BSN: variants seen among roughly 807,000 people sequenced by gnomAD.
The protein encoded by BSN is bassoon presynaptic cytomatrix protein.
A neutral mutation model predicts 264.8 loss-of-function variants in BSN; 57 were observed. The observed-to-expected ratio is 0.22, with a 90% confidence interval of 0.17 to 0.27. The LOEUF (loss-of-function observed/expected upper bound fraction) is 0.27. BSN is among the 10% of genes least tolerant of loss of function. BSN has a pLI of 1.00. For missense variants in BSN, 4,615 were observed against 5,232.5 expected (o/e 0.88, Z 3.64); for synonymous variants, 2,059 against 2,137.3 (o/e 0.96, Z 1.01).
At position 49,667,994 on chromosome 3, in the gene BSN, C is replaced by T. The variant is rs1025388182; in HGVS notation, c.*509C>T. The T allele has an allele frequency of 6.5e-6, 1 of 152,706 alleles. No individual in the cohort carries two copies. Among genetic ancestry groups the T allele is most frequent in the Non-Finnish European group, 1.5e-5 (1 of 68,090 alleles). 9.5% of individuals were successfully genotyped at this position (152,706 alleles called of 1,614,324 possible). On this transcript the variant is annotated 3_prime_UTR_variant, in exon 12 of 12. Transcript: ENST00000296452. ...GGGCTTTGACTGAGGGCTGGGGGCC[C>T]TGGGCTCCGTTTCCTTCACATTCCA... is the stretch of plus-strand genomic sequence containing the variant.
chr3:49,616,460 T>C (rs188669480), intron 1 of BSN, among the ~76,000 whole-genome samples: 83 of 152,354 alleles, frequency 5.4e-4, no homozygotes, highest in Admixed American at 5.4e-3. Flanking sequence ...TTTGAAGCTG[T>C]GGGGCTCTTC....
At position 49,592,743 on chromosome 3, in the gene BSN, T is replaced by C. The variant is rs1261565426; in HGVS notation, c.225-32232T>C. 2.7e-5 allele frequency among the ~76,000 whole-genome samples: 4 copies of C among 146,878 alleles called. No homozygotes were observed. The East Asian group carries it at 6.0e-4, about 22-fold the overall frequency. ...TCTGGCCCGGGTGACAGAGCGAGAC[T>C]CCATCTCAAAAAAAAAAAAAAGAAA... On this transcript the variant is annotated intron_variant, in intron 1 of 11. Transcript: ENST00000296452.
chr3:49,623,971 C>T (rs188313958), intron 1 of BSN, among the ~76,000 whole-genome samples: 102 of 152,210 alleles, frequency 6.7e-4, no homozygotes, highest in Non-Finnish European at 1.2e-3. Context: ...GTCTGGGAGT[C>T]GGAATTTTAA....
intron 1 of BSN, among the ~76,000 whole-genome samples, chr3:49,591,845 T>C (rs902540826): frequency 2.0e-5 from 3 of 152,140 alleles, no homozygotes; most frequent in Non-Finnish European, 4.4e-5. Flanking sequence ...CACCTTGGCC[T>C]CCCAAAGGGT....
In BSN at chr3:49,627,843, T is replaced by C. The variant is rs139021241; in HGVS notation, c.633+2460T>C. Among the ~76,000 whole-genome samples the C allele has an allele frequency of 9.1e-3, 1,377 of 151,928 alleles. 19 individuals carry two copies. The highest frequency in any genetic ancestry group is 0.032 in the African/African-American group (1,321 of 41,390). ...CTTCCCAGGAGTGGCCCAATCAGAG[T>C]AGAAAAAGGTAGAGGTACTGCCAGT... On this transcript the variant is annotated intron_variant, in intron 2 of 11. Coordinates refer to ENST00000296452, the MANE Select transcript of BSN (RefSeq NM_003458.4).
intron 1 of BSN, among the ~76,000 whole-genome samples, chr3:49,589,865 G>T (rs1352793410): frequency 7.2e-6 from 1 of 138,268 alleles, no homozygotes; most frequent in African/African-American, 2.7e-5. Context: ...TTGAGATGGA[G>T]TCTCACTCTG....
In BSN at chr3:49,660,435, A is replaced by G. The variant is rs1369424915; in HGVS notation, c.8641-51A>G. 6.6e-7 allele frequency: 1 copy of G among 1,512,378 alleles called. No individual in the cohort carries two copies. Among genetic ancestry groups the G allele is most frequent in the Non-Finnish European group, 8.8e-7 (1 of 1,131,538 alleles). The allele number at this position is 1,512,378 out of a possible 1,614,324, so 93.7% of individuals were successfully genotyped here. On this transcript the variant is annotated intron_variant, in intron 5 of 11. Transcript: ENST00000296452. The surrounding 1 kb of genome is among the most constrained non-coding windows in gnomAD (Gnocchi z 7.1). ...GGGTTCTGCCACCCCACACCCCATC[A>G]AGTCACCACACCTTGGGTCTCAGTG...
chr3:49,664,845 C>A lies in BSN; in HGVS notation c.*6C>A. The A allele has an allele frequency of 6.2e-7, 1 of 1,612,176 alleles. No homozygotes were observed. Among genetic ancestry groups the A allele is most frequent in the Non-Finnish European group, 8.5e-7 (1 of 1,179,314 alleles). On this transcript the variant is annotated 3_prime_UTR_variant, in exon 10 of 12. Coordinates refer to ENST00000296452, the MANE Select transcript of BSN (RefSeq NM_003458.4). ...AATTTTCCTCATTCTGGTGACCATGCCCAGCATGGTGAGTACAAGCAGCCT... is the reference window on the plus strand; with the variant it reads ...AATTTTCCTCATTCTGGTGACCATGACCAGCATGGTGAGTACAAGCAGCCT...
In BSN at chr3:49,654,584, C is replaced by T. The variant is rs1433155861; in HGVS notation, c.5028C>T (p.Pro1676=). The T allele has an allele frequency of 3.1e-6, 5 of 1,612,240 alleles. No individual in the cohort carries two copies. The highest frequency in any genetic ancestry group is 3.3e-5 in the Admixed American group (2 of 59,930). ...VDLRTAVKPT[P]IILTDQGMDL... ...TCCGTACAGCTGTCAAGCCCACTCCCATCATCCTCACTGACCAGGGCATGG... is the reference window on the plus strand; with the variant it reads ...TCCGTACAGCTGTCAAGCCCACTCCTATCATCCTCACTGACCAGGGCATGG... The change falls in exon 5 of 12, where the codon CCC becomes CCT. Residue 1676 remains proline, a synonymous_variant. Transcript: ENST00000296452. The surrounding 1 kb of genome is among the most constrained non-coding windows in gnomAD (Gnocchi z 4.1).
At position 49,652,375 on chromosome 3, in the gene BSN, G is replaced by A; in HGVS notation, c.2819G>A (p.Gly940Glu). The A allele has an allele frequency of 6.2e-7, 1 of 1,607,894 alleles. No individual in the cohort carries two copies. The highest frequency in any genetic ancestry group is 1.1e-5 in the South Asian group (1 of 90,282). The change falls in exon 5 of 12, where the codon GGA becomes GAA. Residue 940 changes from glycine (G) to glutamate (E), a missense_variant. Physicochemically the swap from Gly to Glu is moderately conservative, Grantham distance 98 (BLOSUM62 -2). This residue lies in a region of BSN where 1,197 missense variants were observed against 1,348.0 expected (regional missense o/e 0.89). Coordinates refer to ENST00000296452, the MANE Select transcript of BSN (RefSeq NM_003458.4). ...RFKTIELNST[G>E]SYGHELDLGQ... The stretch of plus-strand genomic sequence containing the variant: ...AAGACCATTGAGCTCAACAGCACGG[G>A]AAGTTATGGTCATGAGTTGGACCTG...
At chr3:49,644,471 C>A (rs2052491181) in intron 3 of BSN, among the ~76,000 whole-genome samples, 1 of 152,212 alleles carries the variant, frequency 6.6e-6, no homozygotes. Flanking sequence ...CAGGGAAGGG[C>A]AGCCCTGAGC....
chr3:49,579,315 A>G (rs894456926), intron 1 of BSN, among the ~76,000 whole-genome samples: 2 of 151,970 alleles, frequency 1.3e-5, no homozygotes, highest in African/African-American at 4.8e-5. Context: ...CTTATTGCCC[A>G]GTGATATTTC....
intron 2 of BSN, among the ~76,000 whole-genome samples, chr3:49,637,612 T>C (rs2108067908): frequency 6.6e-6 from 1 of 152,308 alleles, no homozygotes; most frequent in African/African-American, 2.4e-5. Flanking sequence ...TTAGCTGCCC[T>C]TCTGCACACT....
At chr3:49,558,120 A>G (rs1459303786) in intron 1 of BSN, among the ~76,000 whole-genome samples, 1 of 152,206 alleles carries the variant, frequency 6.6e-6, no homozygotes, top group Non-Finnish European at 1.5e-5. Context: ...CAGTGCTTAC[A>G]GGGTTGTTAA....
rs140025841 is a variant in BSN at position 49,652,242 on chromosome 3, C to T, written c.2686C>T (p.Arg896Cys). 1.6e-5 allele frequency: 25 copies of T among 1,605,676 alleles called. No individual in the cohort carries two copies. The highest frequency in any genetic ancestry group is 1.0e-4 in the South Asian group (9 of 90,238). The part of the protein sequence containing the change: ...SQEPAALPKR[R>C]LPHNATTGYE... Reference sequence around the variant, plus strand: ...AGAACCAGCAGCACTGCCCAAGAGGCGCCTGCCCCACAATGCCACCACGGG... The same window carrying T: ...AGAACCAGCAGCACTGCCCAAGAGGTGCCTGCCCCACAATGCCACCACGGG... The change falls in exon 5 of 12, where the codon CGC becomes TGC. Residue 896 changes from arginine to cysteine, a missense_variant. This residue lies in a region of BSN where 1,197 missense variants were observed against 1,348.0 expected (regional missense o/e 0.89). Transcript: ENST00000296452.
rs760117266 is a variant in BSN, at chr3:49,653,062, C to T, written c.3506C>T (p.Ser1169Phe). 2 of 1,613,588 alleles carry T rather than the reference C, an allele frequency of 1.2e-6. No homozygotes were observed. The highest frequency in any genetic ancestry group is 1.7e-6 in the Non-Finnish European group (2 of 1,180,040). The change falls in exon 5 of 12, where the codon TCC (serine) becomes TTC (phenylalanine). Residue 1169 changes from serine to phenylalanine, a missense_variant. Physicochemically the swap from Ser to Phe is radical, Grantham distance 155. Transcript: ENST00000296452. This position sits in a 1 kb window ranked among gnomAD's most constrained non-coding sequence, Gnocchi z 6.3. ...CTCTACTCACCAACCGAGACACCCT[C>T]CGGCAGCTCCACCACTCCCAGTTCC... is the stretch of plus-strand genomic sequence containing the variant. ...MSLYSPTETP[S>F]GSSTTPSSGR...
intron 1 of BSN, among the ~76,000 whole-genome samples, chr3:49,573,903 C>T (rs771558665): frequency 1.7e-4 from 26 of 152,054 alleles, no homozygotes; most frequent in East Asian, 5.8e-4. Context: ...GTGATCCGCC[C>T]GCCTCGGCCT....
At chr3:49,588,151 A>C (rs1047932703) in intron 1 of BSN, among the ~76,000 whole-genome samples, 1 of 151,722 alleles carries the variant, frequency 6.6e-6, no homozygotes, top group African/African-American at 2.4e-5. Flanking sequence ...CAAACTCCTG[A>C]CCTTAGGTAA....
In BSN at chr3:49,651,224, G is replaced by A. The variant is rs879343034; in HGVS notation, c.1986+145G>A. The stretch of plus-strand genomic sequence containing the variant: ...AGGGAAGGGACACAGTAGAAGGAAA[G>A]TCTAGATGAGGTTCTGGCACGCTTG... On this transcript the variant is annotated intron_variant, in intron 4 of 11. Transcript: ENST00000296452. The surrounding 1 kb of genome is among the most constrained non-coding windows in gnomAD (Gnocchi z 5.4). 7.3e-6 allele frequency: 6 copies of A among 822,436 alleles called. No individual in the cohort carries two copies. The highest frequency in any genetic ancestry group is 1.1e-5 in the Non-Finnish European group (6 of 544,540). 50.9% of individuals were successfully genotyped at this position (822,436 alleles called of 1,614,324 possible). A position where few individuals can be genotyped will look rare whatever the true frequency, so the allele number is the denominator to read the frequency against.
Sources: allele counts gnomAD v4.1 joint callset (sites outside exome capture counted in the v4.1 genomes callset), GRCh38; gene constraint gnomAD v4.1.1; regional missense constraint gnomAD v4.1.1; non-coding constraint Gnocchi (gnomAD v3.1); transcripts MANE v1.5; gene names NCBI Gene and HGNC (gene_info 2026-07-23, HGNC 2026-07-21).